Variants in CDKL5 observed in about 807,000 individuals in gnomAD.
The protein encoded by CDKL5 is cyclin dependent kinase like 5, also known as cyclin-dependent kinase-like 5.
In CDKL5, 8 loss-of-function variants were observed where a neutral mutation model predicts 61.7. That is an observed-to-expected ratio of 0.13 (90% confidence interval 0.08 to 0.23). The LOEUF (loss-of-function observed/expected upper bound fraction) is 0.23, where lower values mean the gene tolerates loss of function less well. Ranked by LOEUF, CDKL5 falls within the 10% of genes least tolerant of loss-of-function variation. The probability of loss-of-function intolerance (pLI) is 1.00; values close to 1 mark genes in which losing one functional copy is unlikely to be tolerated. For synonymous variants in CDKL5, 275 were observed against 272.3 expected (o/e 1.01, Z -0.10); for missense variants, 440 against 734.5 (o/e 0.60, Z 4.63).
rs1034405892 is a variant in CDKL5 at position 18,631,364 on chromosome X, A to G, written c.*2607A>G. ...TTTGTCTGTTCTGACTTTTCATCCA[A>G]TAAGCTGTAAGTGAACTACAATCTG... On this transcript the variant is annotated 3_prime_UTR_variant, in exon 18 of 18. Transcript: ENST00000623535. 44 of 753,062 alleles carry G rather than the reference A, an allele frequency of 5.8e-5. No individual in the cohort carries two copies. The South Asian group carries it at 1.8e-3, about 30-fold the overall frequency. 62.1% of individuals were successfully genotyped at this position (753,062 alleles called of 1,213,427 possible). A position where few individuals can be genotyped will look rare whatever the true frequency, so the allele number is the denominator to read the frequency against.
intron 3 of CDKL5, among the ~76,000 whole-genome samples, chrX:18,562,841 C>T (rs746833073): frequency 8.9e-6 from 1 of 111,773 alleles, no homozygotes; most frequent in Admixed American, 9.5e-5. Flanking sequence ...AAAGAATACA[C>T]ATTTTATTTG....
At chrX:18,640,870 T>C (rs1927549158), downstream of CDKL5, 1 of 112,519 alleles carries the variant, frequency 8.9e-6, no homozygotes, top group African/African-American at 3.2e-5. Flanking sequence ...CAGGCTGCGC[T>C]CTAAGTGGCC....
At chrX:18,599,268 T>C (rs750035157) in intron 11 of CDKL5, among the ~76,000 whole-genome samples, 2 of 112,157 alleles carry the variant, frequency 1.8e-5, no homozygotes, top group South Asian at 7.5e-4. Context: ...CTTTCAGACC[T>C]GACATTCCTC....
intron 2 of CDKL5, among the ~76,000 whole-genome samples, chrX:18,509,195 A>ACGCACGCGCGCGCG (rs1348103497): frequency 6.2e-5 from 4 of 64,690 alleles, no homozygotes; most frequent in South Asian, 1.2e-3. Context: ...GTCTCAAAAC[A>ACGCACGCGCGCGCG]CGCACACACA....
At chrX:18,544,321 G>A (rs1245910195) in intron 3 of CDKL5, among the ~76,000 whole-genome samples, 1 of 112,190 alleles carries the variant, frequency 8.9e-6, no homozygotes, top group Non-Finnish European at 1.9e-5. Context: ...TTGGAAATTT[G>A]GTTTTGATGA....
intron 1 of CDKL5, among the ~76,000 whole-genome samples, chrX:18,490,318 G>C (rs1248225188): frequency 2.7e-5 from 3 of 111,605 alleles, no homozygotes; most frequent in Non-Finnish European, 3.8e-5. Flanking sequence ...GAATAGCCTG[G>C]GGACCTGGGA....
In CDKL5 at chrX:18,630,442, A is replaced by G; in HGVS notation, c.*1685A>G. ...TCAAAGAGATAACTTCTCAGTATTT[A>G]TTACTTGTCCTCAAATTCTGAGTGT... On this transcript the variant is annotated 3_prime_UTR_variant, in exon 18 of 18. Transcript: ENST00000623535. 1.3e-6 allele frequency: 1 copy of G among 753,083 alleles called. No homozygotes were observed. 62.1% of individuals were successfully genotyped at this position (753,083 alleles called of 1,213,427 possible). A position where few individuals can be genotyped will look rare whatever the true frequency, so the allele number is the denominator to read the frequency against.
intron 3 of CDKL5, among the ~76,000 whole-genome samples, chrX:18,551,891 C>T (rs1435391456): frequency 9.2e-6 from 1 of 108,984 alleles, no homozygotes; most frequent in East Asian, 2.9e-4. Context: ...CCACACCCTT[C>T]CGAAACTTTC....
At position 18,509,197 on chromosome X, in the gene CDKL5, G is replaced by GCACACACACACACA. The variant is rs60516677; in HGVS notation, c.65-1587_65-1574dup. Among the ~76,000 whole-genome samples, 581 of 64,287 alleles carry GCACACACACACACA rather than the reference G, an allele frequency of 9.0e-3. 21 individuals are homozygous for GCACACACACACACA. Among genetic ancestry groups the GCACACACACACACA allele is most frequent in the East Asian group, 0.012 (18 of 1,453 alleles). The allele number at this position is 64,287 out of a possible 115,157, so 55.8% of individuals were successfully genotyped here. ...AGAGAGCGAGACTGTCTCAAAACAC[G>GCACACACACACACA]CACACACACACACACACACACACAC... On this transcript the variant is annotated intron_variant, in intron 2 of 17. Transcript: ENST00000623535.
chrX:18,490,229 T>C (rs1411592746), intron 1 of CDKL5, among the ~76,000 whole-genome samples: 1 of 111,037 alleles, frequency 9.0e-6, no homozygotes, highest in Non-Finnish European at 1.9e-5. Flanking sequence ...GTTCTGTGAG[T>C]CACGCTAGCA....
intron 1 of CDKL5, among the ~76,000 whole-genome samples, chrX:18,460,411 T>G (rs1446264867): frequency 1.8e-5 from 2 of 112,098 alleles, no homozygotes; most frequent in Non-Finnish European, 3.8e-5. Context: ...AGGCCCCGCC[T>G]CCAACATTGA....
At chrX:18,548,796 A>G (rs1024728939) in intron 3 of CDKL5, among the ~76,000 whole-genome samples, 4 of 112,243 alleles carry the variant, frequency 3.6e-5, no homozygotes, top group Non-Finnish European at 7.5e-5. Flanking sequence ...AAGATGTTAT[A>G]CAGAAACAAA....
intron 3 of CDKL5, among the ~76,000 whole-genome samples, chrX:18,539,875 G>A (rs184598042): frequency 4.2e-4 from 47 of 111,491 alleles, no homozygotes; most frequent in Non-Finnish European, 4.0e-4. Context: ...TCTATTATCA[G>A]TGTTTTACCA....
intron 16 of CDKL5, chrX:18,623,958 A>G (rs978245973): frequency 5.4e-6 from 4 of 745,776 alleles, no homozygotes; most frequent in African/African-American, 4.7e-5. Context: ...CATTTAAAGC[A>G]TAGTTCTTCT....
chrX:18,559,223 T>C (rs1924706709), intron 3 of CDKL5, among the ~76,000 whole-genome samples: 1 of 112,155 alleles, frequency 8.9e-6, no homozygotes, highest in South Asian at 3.7e-4. Flanking sequence ...TGTTTTGTTT[T>C]TTGGGAGATG....
intron 7 of CDKL5, among the ~76,000 whole-genome samples, chrX:18,582,817 C>T (rs1925525427): frequency 9.0e-6 from 1 of 111,186 alleles, no homozygotes; most frequent in South Asian, 3.8e-4. Context: ...CCCATTTTGT[C>T]CAGTGTAGCA....
chrX:18,617,333 C>T (rs932927557), intron 15 of CDKL5, among the ~76,000 whole-genome samples: 1 of 111,763 alleles, frequency 8.9e-6, no homozygotes, highest in Non-Finnish European at 1.9e-5. Flanking sequence ...CTTCTCAAAG[C>T]TTCTGTCTCT....
At chrX:18,553,452 TTGTGTGTGTGTGCGTGTGTGTGTG>T (rs908877705) in intron 3 of CDKL5, among the ~76,000 whole-genome samples, 5 of 102,370 alleles carry the variant, frequency 4.9e-5, no homozygotes, top group African/African-American at 1.9e-4. Context: ...TTGAAGGCAG[TTGTGTGTGTGTGCGTGTGTGTGTG>T]TGTGTGTGTG....
intron 1 of CDKL5, among the ~76,000 whole-genome samples, chrX:18,487,880 C>T (rs1310292743): frequency 2.7e-5 from 3 of 110,280 alleles, no homozygotes; most frequent in Non-Finnish European, 5.7e-5. Flanking sequence ...CCCCCTACTG[C>T]ACTCCAGCCT....
Sources: allele counts gnomAD v4.1 joint callset (sites outside exome capture counted in the v4.1 genomes callset), GRCh38; gene constraint gnomAD v4.1.1; transcripts MANE v1.5; gene names NCBI Gene and HGNC (gene_info 2026-07-23, HGNC 2026-07-21).